Variants in ST8SIA5 observed in about 807,000 individuals in gnomAD.
The protein encoded by ST8SIA5 is alpha-2,8-sialyltransferase 8E.
A neutral mutation model predicts 40.2 loss-of-function variants in ST8SIA5; 24 were observed. That is an observed-to-expected ratio of 0.60 (90% CI 0.43 to 0.84). ST8SIA5 has a LOEUF of 0.84. ST8SIA5 is among the 40% of genes least tolerant of loss of function. The pLI, the probability that ST8SIA5 is intolerant of heterozygous loss-of-function variation, is 0.00. For synonymous variants in ST8SIA5, 198 were observed against 201.8 expected (o/e 0.98, Z 0.16); for missense variants, 465 against 498.5 (o/e 0.93, Z 0.64).
chr18:46,725,972 A>AAATATATATATATATAT (rs59660372), intron 1 of ST8SIA5, among the ~76,000 whole-genome samples: 4 of 29,094 alleles, frequency 1.4e-4, no homozygotes, highest in Non-Finnish European at 2.4e-4. Context: ...AAAAAAAAAA[A>AAATATATATATATATAT]ATATATATAT....
intron 1 of ST8SIA5, among the ~76,000 whole-genome samples, chr18:46,731,291 G>A (rs565340756): frequency 1.2e-4 from 18 of 152,306 alleles, no homozygotes; most frequent in Middle Eastern, 3.4e-3. Context: ...CTCTTTTGGC[G>A]TTGCACAAAC....
At chr18:46,722,807 A>G (rs1242409681) in intron 1 of ST8SIA5, among the ~76,000 whole-genome samples, 1 of 152,224 alleles carries the variant, frequency 6.6e-6, no homozygotes, top group Non-Finnish European at 1.5e-5. Flanking sequence ...CGCTGTCTAT[A>G]ACAATCCACA....
chr18:46,715,416 C>A (rs919878600), intron 1 of ST8SIA5, among the ~76,000 whole-genome samples: 3 of 152,026 alleles, frequency 2.0e-5, no homozygotes, highest in African/African-American at 7.3e-5. Flanking sequence ...ACTAAGCACA[C>A]TTGGGAAGGC....
In ST8SIA5 at chr18:46,699,182, T is replaced by C. The variant is rs116086658; in HGVS notation, c.224+5390A>G. ...AGGGGGAACTGCAGAGTAGGAATAA[T>C]TTTAATATCCTTATCTTATACAGTG... is the stretch of plus-strand genomic sequence containing the variant. On this transcript the variant is annotated intron_variant, in intron 2 of 6. Coordinates refer to ENST00000315087, the MANE Select transcript of ST8SIA5 (RefSeq NM_013305.6). Among the ~76,000 whole-genome samples the C allele has an allele frequency of 9.4e-3, 1,432 of 152,266 alleles. 25 individuals carry two copies. The highest frequency in any genetic ancestry group is 0.033 in the African/African-American group (1,355 of 41,552).
At position 46,668,101 on chromosome 18, in the gene ST8SIA5, G is replaced by T. The variant is rs547887826; in HGVS notation, c.*11941C>A. ...GCACAGCCTTTCTCTCCAGGGCCAG[G>T]GGAGGGAGAAAATCAGCAGAGCAAG... is the stretch of plus-strand genomic sequence containing the variant. On this transcript the variant is annotated 3_prime_UTR_variant, in exon 7 of 7. Coordinates refer to ENST00000315087, the MANE Select transcript of ST8SIA5 (RefSeq NM_013305.6). 1.1e-3 allele frequency: 161 copies of T among 152,308 alleles called. No individual in the cohort carries two copies. Among genetic ancestry groups the T allele is most frequent in the African/African-American group, 3.8e-3 (157 of 41,564 alleles). The allele number at this position is 152,308 out of a possible 1,614,324, so 9.4% of individuals were successfully genotyped here.
chr18:46,720,077 G>A (rs1039257684), intron 1 of ST8SIA5, among the ~76,000 whole-genome samples: 9 of 152,132 alleles, frequency 5.9e-5, no homozygotes, highest in Non-Finnish European at 1.3e-4. Flanking sequence ...GACCTCAAGT[G>A]ATCCACCCGC....
chr18:46,702,076 G>A (rs553177682), intron 2 of ST8SIA5, among the ~76,000 whole-genome samples: 52 of 148,700 alleles, frequency 3.5e-4, no homozygotes, highest in African/African-American at 1.1e-3. Context: ...GAACCCGGGC[G>A]ACAGAGGTTG....
chr18:46,721,271 C>A, intron 1 of ST8SIA5: 1 of 1,183,544 alleles, frequency 8.4e-7, no homozygotes, highest in Non-Finnish European at 1.2e-6. Flanking sequence ...CCTGCTTCTT[C>A]CACCCTAGGA....
At chr18:46,698,796 G>T (rs2039582306) in intron 2 of ST8SIA5, among the ~76,000 whole-genome samples, 1 of 152,220 alleles carries the variant, frequency 6.6e-6, no homozygotes, top group Non-Finnish European at 1.5e-5. Context: ...CAAGAGGGCA[G>T]CCAGACTGGA....
In ST8SIA5 at chr18:46,676,154, C is replaced by G. The variant is rs1330137971; in HGVS notation, c.*3888G>C. The G allele has an allele frequency of 1.3e-5, 2 of 152,242 alleles. No homozygotes were observed. Among genetic ancestry groups the G allele is most frequent in the African/African-American group, 4.8e-5 (2 of 41,456 alleles). The allele number at this position is 152,242 out of a possible 1,614,324, so 9.4% of individuals were successfully genotyped here. On this transcript the variant is annotated 3_prime_UTR_variant, in exon 7 of 7. Transcript: ENST00000315087. ...GAAGTATCTGCTGCTTTGCTCATTA[C>G]ACTTTTTATGCTGCCAACCTTCAGA...
chr18:46,708,501 G>A (rs746363748), intron 1 of ST8SIA5, among the ~76,000 whole-genome samples: 1 of 152,128 alleles, frequency 6.6e-6, no homozygotes, highest in Non-Finnish European at 1.5e-5. Flanking sequence ...GATAGTAAAG[G>A]ACTAGCCTGT....
chr18:46,686,235 C>T lies in ST8SIA5; in HGVS notation c.508G>A (p.Gly170Arg), dbSNP rs1440610237. The change falls in exon 5 of 7, where the codon GGA becomes AGA. Residue 170 changes from glycine to arginine, a missense_variant. Coordinates refer to ENST00000315087, the MANE Select transcript of ST8SIA5 (RefSeq NM_013305.6). The part of the protein sequence containing the change: ...QFKKCAVVGN[G>R]GILKNSRCGR... Reference sequence around the variant, plus strand: ...CAGCGGCTGTTCTTCAAGATGCCTCCGTTGCCCACTACAGCACACTTCTTA... The same window carrying T: ...CAGCGGCTGTTCTTCAAGATGCCTCTGTTGCCCACTACAGCACACTTCTTA... The T allele has an allele frequency of 1.5e-5, 25 of 1,614,054 alleles. No homozygotes were observed. The highest frequency in any genetic ancestry group is 2.2e-5 in the East Asian group (1 of 44,898).
At chr18:46,735,647 CT>C (rs201528976) in intron 1 of ST8SIA5, among the ~76,000 whole-genome samples, 5,141 of 152,220 alleles carry the variant, frequency 0.034, 130 homozygotes, top group East Asian at 0.11. Flanking sequence ...GGGTCTTGCC[CT>C]GTTGCCCAGG....
intron 1 of ST8SIA5, among the ~76,000 whole-genome samples, chr18:46,755,348 C>T (rs1298347944): frequency 6.6e-6 from 1 of 152,118 alleles, no homozygotes; most frequent in Admixed American, 6.6e-5. Flanking sequence ...GGGATGCTTA[C>T]TTAGCTAGAG....
At chr18:46,756,264 G>T (rs1246258568) in intron 1 of ST8SIA5, 114 bp downstream of exon 1, 2 of 1,436,278 alleles carry the variant, frequency 1.4e-6, no homozygotes, top group African/African-American at 2.9e-5. Flanking sequence ...GGCTAGGAGC[G>T]GACCCCACGG....
chr18:46,706,185 T>C (rs1483133837), intron 1 of ST8SIA5, among the ~76,000 whole-genome samples: 1 of 152,044 alleles, frequency 6.6e-6, no homozygotes, highest in African/African-American at 2.4e-5. Flanking sequence ...TTTAAGATAT[T>C]AAAATATTTT....
intron 1 of ST8SIA5, chr18:46,730,318 C>CCCTTTGACGGATGA: frequency 1.1e-6 from 1 of 916,626 alleles, no homozygotes; most frequent in Non-Finnish European, 1.3e-6. Flanking sequence ...TTTTCTCATC[C>CCCTTTGACGGATGA]GTCAAAGGGG....
At chr18:46,701,141 T>TC (rs778593377) in intron 2 of ST8SIA5, among the ~76,000 whole-genome samples, 3,044 of 135,448 alleles carry the variant, frequency 0.022, 74 homozygotes, top group Non-Finnish European at 0.033. Flanking sequence ...TTTTTTTTTT[T>TC]TTTTTTTTTT....
intron 3 of ST8SIA5, chr18:46,691,788 CAG>C (rs1444045923): frequency 2.4e-5 from 5 of 211,858 alleles, no homozygotes; most frequent in Non-Finnish European, 3.9e-5. Flanking sequence ...TGCCCCAGGA[CAG>C]GGGAGGTGAG....
Sources: allele counts gnomAD v4.1 joint callset (sites outside exome capture counted in the v4.1 genomes callset), GRCh38; gene constraint gnomAD v4.1.1; transcripts MANE v1.5; gene names NCBI Gene and HGNC (gene_info 2026-07-23, HGNC 2026-07-21).